NRXN1: variants seen among roughly 807,000 people sequenced by gnomAD.
The protein encoded by NRXN1 is neurexin 1.
Under a neutral mutation model 150.9 loss-of-function variants are expected in NRXN1, and 39 were observed. That is an observed-to-expected ratio of 0.26 (90% CI 0.20 to 0.34). The LOEUF is 0.34. Ranked by LOEUF, NRXN1 falls within the 10% of genes least tolerant of loss-of-function variation. The pLI is 1.00. For synonymous variants in NRXN1, 924 were observed against 757.0 expected (o/e 1.22, Z -3.62); for missense variants, 1,815 against 1,949.9 (o/e 0.93, Z 1.30).
intron 5 of NRXN1, among the ~76,000 whole-genome samples, chr2:50,749,674 T>A (rs1700374561): frequency 6.6e-6 from 1 of 152,020 alleles, no homozygotes; most frequent in East Asian, 1.9e-4. Context: ...TAAATAACTG[T>A]TAGTGGAGAA....
chr2:50,274,982 C>T (rs765918829), intron 17 of NRXN1, among the ~76,000 whole-genome samples: 1 of 152,124 alleles, frequency 6.6e-6, no homozygotes, highest in African/African-American at 2.4e-5. Context: ...GCTTAGAAGA[C>T]TTCATATGTT....
At chr2:50,545,506 T>A (rs1315432145) in intron 9 of NRXN1, among the ~76,000 whole-genome samples, 3 of 152,112 alleles carry the variant, frequency 2.0e-5, no homozygotes, top group African/African-American at 7.2e-5. Flanking sequence ...GCAAGCCCAA[T>A]GAAGAGATTT....
At chr2:50,631,309 C>A in intron 5 of NRXN1, 1 of 293,454 alleles carries the variant, frequency 3.4e-6, no homozygotes, top group Non-Finnish European at 6.7e-6. Context: ...AAATAAATTG[C>A]CAAGCTTCTA....
chr2:51,013,691 A>G (rs1668243541), intron 2 of NRXN1, among the ~76,000 whole-genome samples: 1 of 152,048 alleles, frequency 6.6e-6, no homozygotes, highest in Admixed American at 6.5e-5. Flanking sequence ...TTAAGCTACT[A>G]AGGATCTCTA....
intron 5 of NRXN1, among the ~76,000 whole-genome samples, chr2:50,684,063 C>G (rs1332399878): frequency 6.6e-6 from 1 of 152,066 alleles, no homozygotes; most frequent in East Asian, 1.9e-4. Flanking sequence ...AGGTTACCGA[C>G]TACTCCTACC....
rs527885299 is a variant in NRXN1 at position 49,935,458 on chromosome 2, G to A, written c.4216+8246C>T. The stretch of plus-strand genomic sequence containing the variant: ...ACCATTTTTAACCTGGAAATGTAAA[G>A]TATTCTGGTCTTTGCTATTATATTG... On this transcript the variant is annotated intron_variant, in intron 22 of 22. Coordinates refer to ENST00000401669, the MANE Select transcript of NRXN1 (RefSeq NM_001330078.2). Among the ~76,000 whole-genome samples, 6 of 152,150 alleles carry A rather than the reference G, an allele frequency of 3.9e-5. No homozygotes were observed. The South Asian group carries it at 1.0e-3, about 26-fold the overall frequency.
chr2:50,984,708 T>C (rs1199445132), intron 2 of NRXN1, among the ~76,000 whole-genome samples: 1 of 152,110 alleles, frequency 6.6e-6, no homozygotes, highest in Non-Finnish European at 1.5e-5. Flanking sequence ...ATCTTTAATA[T>C]GGATAAGGGC....
intron 5 of NRXN1, among the ~76,000 whole-genome samples, chr2:50,669,308 C>G (rs1038539846): frequency 7.2e-5 from 11 of 151,772 alleles, no homozygotes; most frequent in African/African-American, 2.2e-4. Context: ...GGAGACTGAG[C>G]TTTATCTTTT....
At chr2:50,727,090 C>A (rs1697455248) in intron 5 of NRXN1, among the ~76,000 whole-genome samples, 1 of 147,296 alleles carries the variant, frequency 6.8e-6, no homozygotes. Flanking sequence ...CATTTGGGAA[C>A]CTTTATAAAA....
intron 20 of NRXN1, among the ~76,000 whole-genome samples, chr2:50,053,793 T>C (rs545247996): frequency 6.6e-6 from 1 of 152,306 alleles, no homozygotes; most frequent in African/African-American, 2.4e-5. Context: ...TCTCAACTTA[T>C]TATAAATGTA....
intron 5 of NRXN1, among the ~76,000 whole-genome samples, chr2:50,688,199 A>T (rs548465910): frequency 3.3e-5 from 5 of 151,996 alleles, no homozygotes; most frequent in Non-Finnish European, 5.9e-5. Flanking sequence ...CCCTAACCCA[A>T]CGTTTCTTTT....
At chr2:50,703,991 C>T (rs956630390) in intron 5 of NRXN1, among the ~76,000 whole-genome samples, 1 of 151,980 alleles carries the variant, frequency 6.6e-6, no homozygotes, top group Non-Finnish European at 1.5e-5. Context: ...TAAAATATAT[C>T]TAGGGGAGCC....
intron 5 of NRXN1, among the ~76,000 whole-genome samples, chr2:50,665,290 ACT>A (rs1457317752): frequency 6.6e-6 from 1 of 151,864 alleles, no homozygotes; most frequent in Non-Finnish European, 1.5e-5. Flanking sequence ...ACCTTAAAAT[ACT>A]CTGTTTGAAT....
chr2:50,067,882 G>A (rs1695596847), intron 19 of NRXN1, among the ~76,000 whole-genome samples: 1 of 152,114 alleles, frequency 6.6e-6, no homozygotes, highest in African/African-American at 2.4e-5. Flanking sequence ...TTTCTAAAGT[G>A]TCTTTTCCCA....
intron 17 of NRXN1, among the ~76,000 whole-genome samples, chr2:50,281,275 C>T (rs1032635984): frequency 6.6e-5 from 10 of 151,422 alleles, no homozygotes; most frequent in East Asian, 1.9e-4. Context: ...CGAGATCGCG[C>T]CGCTGCACTC....
chr2:50,230,597 G>A (rs1176090821), intron 18 of NRXN1, among the ~76,000 whole-genome samples: 1 of 152,062 alleles, frequency 6.6e-6, no homozygotes, highest in African/African-American at 2.4e-5. Context: ...TAAGTGGTAA[G>A]TATGTGAACC....
At chr2:50,598,954 C>G (rs2103916341) in intron 8 of NRXN1, among the ~76,000 whole-genome samples, 1 of 151,656 alleles carries the variant, frequency 6.6e-6, no homozygotes, top group East Asian at 2.0e-4. Flanking sequence ...GTACTTTTAG[C>G]AGAGACAGGG....
intron 18 of NRXN1, among the ~76,000 whole-genome samples, chr2:50,229,394 G>A (rs879672427): frequency 3.3e-5 from 5 of 151,688 alleles, no homozygotes; most frequent in Non-Finnish European, 5.9e-5. Context: ...TATTCAGTAT[G>A]TATTCCCCAA....
chr2:50,715,893 C>T (rs1485557130), intron 5 of NRXN1, among the ~76,000 whole-genome samples: 1 of 152,158 alleles, frequency 6.6e-6, no homozygotes, highest in African/African-American at 2.4e-5. Flanking sequence ...TTTGCTGCCA[C>T]TCATTTACCA....
Sources: allele counts gnomAD v4.1 joint callset (sites outside exome capture counted in the v4.1 genomes callset), GRCh38; gene constraint gnomAD v4.1.1; transcripts MANE v1.5; gene names NCBI Gene and HGNC (gene_info 2026-07-23, HGNC 2026-07-21).